C10orf90: variants seen among roughly 807,000 people sequenced by gnomAD.
C10orf90 encodes chromosome 10 open reading frame 90, also known as (E2-independent) E3 ubiquitin-conjugating enzyme FATS.
In C10orf90, 56 loss-of-function variants were observed where a neutral mutation model predicts 62.5. The ratio of observed to expected loss-of-function variants is 0.90; its 90% CI spans 0.72 to 1.12. The LOEUF is 1.12. Among genes scored for constraint, C10orf90 ranks in the 50% most tolerant of loss-of-function variants. C10orf90 has a pLI of 0.00. For synonymous variants in C10orf90, 386 were observed against 340.4 expected (o/e 1.13, Z -1.47); for missense variants, 970 against 880.4 (o/e 1.10, Z -1.29).
chr10:126,437,956 A>G (rs938673437), intron 7 of C10orf90, among the ~76,000 whole-genome samples: 3 of 152,204 alleles, frequency 2.0e-5, no homozygotes, highest in Non-Finnish European at 4.4e-5. Flanking sequence ...ATTGGTATGG[A>G]TGAGACTTCC....
chr10:126,450,497 G>A (rs6597770), intron 7 of C10orf90, among the ~76,000 whole-genome samples: 126,103 of 152,168 alleles, frequency 0.83, 52,602 homozygotes, highest in East Asian at 0.99. Flanking sequence ...ATAAAAACAA[G>A]TAGACTGATG....
At chr10:126,482,954 T>C (rs1014902493) in intron 4 of C10orf90, among the ~76,000 whole-genome samples, 1 of 152,202 alleles carries the variant, frequency 6.6e-6, no homozygotes, top group Non-Finnish European at 1.5e-5. Flanking sequence ...GTTATCTGCA[T>C]TTGGGACATT....
intron 7 of C10orf90, among the ~76,000 whole-genome samples, chr10:126,435,995 C>A (rs1004031049): frequency 6.6e-6 from 1 of 152,124 alleles, no homozygotes; most frequent in African/African-American, 2.4e-5. Flanking sequence ...CTCAAGAGAT[C>A]CAGTAAGAGA....
intron 2 of C10orf90, among the ~76,000 whole-genome samples, chr10:126,566,384 C>A (rs959270634): frequency 6.6e-6 from 1 of 152,190 alleles, no homozygotes; most frequent in African/African-American, 2.4e-5. Context: ...TGAATCTTTA[C>A]TCAGAGGAAG....
intron 2 of C10orf90, chr10:126,523,005 A>G (rs1036454): frequency 0.89 from 135,463 of 152,298 alleles, 60,462 homozygotes; most frequent in African/African-American, 0.96. Context: ...GCACAGTGCT[A>G]TCATGGAACG....
At chr10:126,668,984 G>A (rs2133882576) in intron 1 of C10orf90, among the ~76,000 whole-genome samples, 1 of 149,824 alleles carries the variant, frequency 6.7e-6, no homozygotes, top group South Asian at 2.2e-4. Flanking sequence ...TTGCTACATA[G>A]GGTTTAAAAT....
At chr10:126,535,516 CA>C (rs35841777) in intron 2 of C10orf90, among the ~76,000 whole-genome samples, 73,223 of 131,954 alleles carry the variant, frequency 0.55, 20,332 homozygotes, top group Middle Eastern at 0.67. Context: ...GACGCTGTCT[CA>C]AAAAAAAAAA....
intron 7 of C10orf90, among the ~76,000 whole-genome samples, chr10:126,431,647 T>C (rs1857575779): frequency 6.6e-6 from 1 of 152,204 alleles, no homozygotes; most frequent in African/African-American, 2.4e-5. Flanking sequence ...GCAATCCTCA[T>C]GGGCTACTCA....
In C10orf90 at chr10:126,485,707, G is replaced by A. The variant is rs531828797; in HGVS notation, c.1534+18250C>T. ...TGTAATCCCAGCATTTTGGGAGGCCGAGGTGGGCGGATCATGAGGTCAGGA... is the reference window on the plus strand; with the variant it reads ...TGTAATCCCAGCATTTTGGGAGGCCAAGGTGGGCGGATCATGAGGTCAGGA... On this transcript the variant is annotated intron_variant, in intron 4 of 9. Coordinates refer to ENST00000488181, the MANE Select transcript of C10orf90 (RefSeq NM_001350921.2). Among the ~76,000 whole-genome samples, 113 of 152,112 alleles carry A rather than the reference G, an allele frequency of 7.4e-4. 1 individual carries two copies. Among genetic ancestry groups the A allele is most frequent in the African/African-American group, 2.7e-3 (111 of 41,506 alleles).
intron 1 of C10orf90, among the ~76,000 whole-genome samples, chr10:126,655,044 G>T (rs1846365119): frequency 6.6e-6 from 1 of 152,138 alleles, no homozygotes; most frequent in Non-Finnish European, 1.5e-5. Flanking sequence ...TATGAGGCCG[G>T]GCGCGGTGGC....
intron 7 of C10orf90, among the ~76,000 whole-genome samples, chr10:126,457,030 C>T (rs1329372778): frequency 1.3e-5 from 2 of 152,138 alleles, no homozygotes; most frequent in East Asian, 3.9e-4. Context: ...CTCTGTTGCC[C>T]AGACTGGAGT....
intron 2 of C10orf90, among the ~76,000 whole-genome samples, chr10:126,617,120 G>C (rs1845556145): frequency 6.6e-6 from 1 of 152,156 alleles, no homozygotes; most frequent in African/African-American, 2.4e-5. Context: ...AAAACACATT[G>C]GGAATAATTA....
At chr10:126,578,208 C>A (rs575929093) in intron 2 of C10orf90, among the ~76,000 whole-genome samples, 30 of 152,048 alleles carry the variant, frequency 2.0e-4, no homozygotes, top group African/African-American at 7.2e-4. Flanking sequence ...GTAATTAATA[C>A]AAAGGAAAAG....
intron 4 of C10orf90, among the ~76,000 whole-genome samples, chr10:126,497,285 AG>A (rs1241370729): frequency 6.6e-6 from 1 of 151,926 alleles, no homozygotes; most frequent in African/African-American, 2.4e-5. Context: ...AGAGCGAGAC[AG>A]GATGGTATTG....
At chr10:126,532,131 T>C (rs1201766294) in intron 2 of C10orf90, among the ~76,000 whole-genome samples, 2 of 152,198 alleles carry the variant, frequency 1.3e-5, no homozygotes, top group Non-Finnish European at 2.9e-5. Context: ...GACTTCCACC[T>C]TTTCCAGATA....
At chr10:126,607,641 A>G (rs183408038) in intron 2 of C10orf90, among the ~76,000 whole-genome samples, 22 of 152,316 alleles carry the variant, frequency 1.4e-4, no homozygotes, top group Admixed American at 4.6e-4. Flanking sequence ...AATTCTTTTC[A>G]TATTGTAAAA....
At chr10:126,585,144 A>T (rs1425543300) in intron 2 of C10orf90, among the ~76,000 whole-genome samples, 3 of 151,946 alleles carry the variant, frequency 2.0e-5, no homozygotes, top group African/African-American at 7.3e-5. Context: ...AATAAAAGTA[A>T]GAATAAAGGT....
chr10:126,564,850 T>TATTA (rs1491364727), intron 2 of C10orf90, among the ~76,000 whole-genome samples: 1 of 25,246 alleles, frequency 4.0e-5, no homozygotes, highest in Admixed American at 8.0e-4. Context: ...ATATTATATA[T>TATTA]TATATAAAAT....
At chr10:126,517,598 C>T (rs1342402657) in intron 2 of C10orf90, among the ~76,000 whole-genome samples, 1 of 152,082 alleles carries the variant, frequency 6.6e-6, no homozygotes, top group East Asian at 1.9e-4. Context: ...TGAAGCATGG[C>T]CCAGGATGAC....
Sources: gnomAD v4.1 joint callset for allele counts (sites outside exome capture counted in the v4.1 genomes callset) on GRCh38, gnomAD v4.1.1 for gene constraint, MANE v1.5 for transcripts, NCBI Gene and HGNC (gene_info 2026-07-23, HGNC 2026-07-21) for gene names.